The following CES5A variants were observed in gnomAD, a reference collection of about 807,000 sequenced individuals.
The protein encoded by CES5A is carboxylesterase 5.
CES5A carries 67 observed loss-of-function variants against 62.9 expected under a neutral mutation model. The observed-to-expected ratio is 1.07, with a 90% CI of 0.88 to 1.31. The LOEUF is 1.31. Ranked by LOEUF, CES5A falls within the 50% of genes most tolerant of loss-of-function variation. CES5A has a pLI of 0.00. For synonymous variants in CES5A, 296 were observed against 280.8 expected (o/e 1.05, Z -0.54); for missense variants, 748 against 708.5 (o/e 1.06, Z -0.63).
At chr16:55,915,975 A>G (rs116161555) in intron 1 of CES5A, among the ~76,000 whole-genome samples, 2,261 of 152,316 alleles carry the variant, frequency 0.015, 72 homozygotes, top group African/African-American at 0.051. Context: ...TGGCATTGCA[A>G]TAAAGAAACA....
At chr16:55,868,469 C>T (rs1470782703) in intron 4 of CES5A, among the ~76,000 whole-genome samples, 8 of 152,216 alleles carry the variant, frequency 5.3e-5, no homozygotes, top group African/African-American at 1.9e-4. Context: ...CCACATCCTT[C>T]TGGTGCAACT....
rs186113553 is a variant in CES5A, at chr16:55,865,133, G to A, written c.705+830C>T. Among the ~76,000 whole-genome samples the A allele has an allele frequency of 1.3e-3, 202 of 152,286 alleles. 2 individuals carry two copies. Among genetic ancestry groups the A allele is most frequent in the South Asian group, 0.01 (50 of 4,814 alleles). ...AGGCAAGAGAATTGGTTGAACCCAG[G>A]AGGCGGAGGTTCTGGTGAGCCTAGA... On this transcript the variant is annotated intron_variant, in intron 5 of 12. Coordinates refer to ENST00000290567, the MANE Select transcript of CES5A (RefSeq NM_001143685.2).
At chr16:55,929,331 G>A (rs913652884), upstream of CES5A, among the ~76,000 whole-genome samples, 6 of 152,220 alleles carry the variant, frequency 3.9e-5, no homozygotes, top group African/African-American at 1.2e-4. Context: ...ACATAGTGCA[G>A]ATGGGCTGCT....
intron 1 of CES5A, among the ~76,000 whole-genome samples, chr16:55,881,873 C>T (rs1172453549): frequency 6.6e-6 from 1 of 152,140 alleles, no homozygotes; most frequent in African/African-American, 2.4e-5. Context: ...CCAGGTTGTG[C>T]TGCATAACCA....
chr16:55,930,204 C>A (rs867785647), upstream of CES5A, among the ~76,000 whole-genome samples: 2 of 150,758 alleles, frequency 1.3e-5, no homozygotes, highest in Admixed American at 1.3e-4. Flanking sequence ...CCTGTCAGAA[C>A]CCCCCACAAT....
rs767132603 is a variant in CES5A at position 55,849,783 on chromosome 16, G to A, written c.1274-10C>T. On this transcript the variant is annotated splice_polypyrimidine_tract_variant and intron_variant, in intron 10 of 12. Coordinates refer to ENST00000290567, the MANE Select transcript of CES5A (RefSeq NM_001143685.2). ...ACAGGTGCACCAGCATCTGACAAAA[G>A]GTCAGGGAAGGTCAGGCATGCATGC... is the stretch of plus-strand genomic sequence containing the variant. The A allele has an allele frequency of 1.2e-6, 2 of 1,612,858 alleles. No homozygotes were observed. Among genetic ancestry groups the A allele is most frequent in the Admixed American group, 1.7e-5 (1 of 60,002 alleles).
chr16:55,880,659 A>G (rs2033752401), intron 1 of CES5A, among the ~76,000 whole-genome samples: 1 of 152,170 alleles, frequency 6.6e-6, no homozygotes, highest in South Asian at 2.1e-4. Flanking sequence ...TCAGTGGTGG[A>G]CTGGGATGTG....
intron 1 of CES5A, among the ~76,000 whole-genome samples, chr16:55,892,977 T>C (rs1406480163): frequency 6.6e-6 from 1 of 152,130 alleles, no homozygotes; most frequent in Admixed American, 6.5e-5. Flanking sequence ...TCACCTAAAC[T>C]TCTAAAGTCA....
intron 1 of CES5A, among the ~76,000 whole-genome samples, chr16:55,874,774 A>T (rs2033663568): frequency 6.6e-6 from 1 of 152,196 alleles, no homozygotes; most frequent in Non-Finnish European, 1.5e-5. Context: ...CTACTTACTT[A>T]GCAAAACCCG....
At chr16:55,882,140 C>T (rs1421612667) in intron 1 of CES5A, among the ~76,000 whole-genome samples, 3 of 152,134 alleles carry the variant, frequency 2.0e-5, no homozygotes, top group Non-Finnish European at 4.4e-5. Context: ...ACTTGTCAAA[C>T]CTACTGAGCT....
chr16:55,862,791 C>T lies in CES5A; in HGVS notation c.810+557G>A, dbSNP rs375798574. 1.5e-3 allele frequency among the ~76,000 whole-genome samples: 229 copies of T among 152,224 alleles called. 7 individuals carry two copies. In the South Asian group the frequency reaches 0.035, roughly 23 times the overall value. On this transcript the variant is annotated intron_variant, in intron 6 of 12. Coordinates refer to ENST00000290567, the MANE Select transcript of CES5A (RefSeq NM_001143685.2). Reference sequence around the variant, plus strand: ...CATTCATCCGGAACACTTATGGCTGCCTGATATATACCAGGTATTATGCTG... The same window carrying T: ...CATTCATCCGGAACACTTATGGCTGTCTGATATATACCAGGTATTATGCTG...
intron 2 of CES5A, among the ~76,000 whole-genome samples, chr16:55,930,692 G>C (rs1294808253): frequency 6.6e-6 from 1 of 152,140 alleles, no homozygotes; most frequent in African/African-American, 2.4e-5. Context: ...TACTTCTGTG[G>C]TTCTAATCAC....
intron 5 of CES5A, 73 bp from the exon 6 acceptor site, chr16:55,863,525 A>G (rs1328342756): frequency 1.2e-6 from 1 of 826,344 alleles, no homozygotes; most frequent in Non-Finnish European, 2.1e-6. Flanking sequence ...CCCTCTTCAA[A>G]GAAACCTTCC....
In CES5A at chr16:55,910,925, G is replaced by T. The variant is rs1597146368; in HGVS notation, c.-256+14398C>A. 5.4e-5 allele frequency among the ~76,000 whole-genome samples: 8 copies of T among 148,698 alleles called. 1 individual carries two copies. In the South Asian group the frequency reaches 1.9e-3, roughly 36 times the overall value. Reference sequence around the variant, plus strand: ...GTCTGATGGGTGTCAGGATAAAACTGCCCCTGCTTCCTCACTCCCTGGCCT... The same window carrying T: ...GTCTGATGGGTGTCAGGATAAAACTTCCCCTGCTTCCTCACTCCCTGGCCT... On this transcript the variant is annotated intron_variant, in intron 1 of 12. Coordinates refer to the CES5A transcript ENST00000518005.
chr16:55,926,848 C>T (rs138223377), upstream of CES5A, among the ~76,000 whole-genome samples: 3 of 152,308 alleles, frequency 2.0e-5, no homozygotes, highest in East Asian at 5.8e-4. Context: ...TTGCTCTTGC[C>T]CAGTCTGCTT....
intron 8 of CES5A, among the ~76,000 whole-genome samples, chr16:55,859,283 T>C (rs1178704044): frequency 6.6e-6 from 1 of 152,240 alleles, no homozygotes; most frequent in Non-Finnish European, 1.5e-5. Context: ...AAAGACCAAA[T>C]GGACCGATCC....
chr16:55,881,618 G>T (rs1001362468), intron 1 of CES5A, among the ~76,000 whole-genome samples: 1 of 152,194 alleles, frequency 6.6e-6, no homozygotes, highest in East Asian at 1.9e-4. Context: ...GAATGGCCAA[G>T]TATTGATGAA....
In CES5A at chr16:55,852,962, C is replaced by T. The variant is rs762222116; in HGVS notation, c.1192G>A (p.Glu398Lys). 6.2e-7 allele frequency: 1 copy of T among 1,614,166 alleles called. No individual in the cohort carries two copies. The highest frequency in any genetic ancestry group is 8.5e-7 in the Non-Finnish European group (1 of 1,180,008). ...EYFHDKHSLT[E>K]IRDSLLDLLG... The stretch of plus-strand genomic sequence containing the variant: ...AAGTCCAGAAGACTGTCTCGGATTT[C>T]AGTCAGGGAGTGCTTGTCATGGAAG... The change falls in exon 10 of 13, where the codon GAA (glutamate) becomes AAA (lysine). Residue 398 changes from glutamate (E) to lysine (K), a missense_variant. Coordinates refer to ENST00000290567, the MANE Select transcript of CES5A (RefSeq NM_001143685.2).
intron 1 of CES5A, among the ~76,000 whole-genome samples, chr16:55,908,044 T>G (rs1013790124): frequency 7.9e-5 from 12 of 152,072 alleles, no homozygotes; most frequent in Non-Finnish European, 1.3e-4. Context: ...GCTATCAGAG[T>G]ATGCTCTGAC....
Sources: gnomAD v4.1 joint callset for allele counts (sites outside exome capture counted in the v4.1 genomes callset) on GRCh38, gnomAD v4.1.1 for gene constraint, MANE v1.5 for transcripts, NCBI Gene and HGNC (gene_info 2026-07-23, HGNC 2026-07-21) for gene names.